Variants in TLK1 observed in about 807,000 individuals in gnomAD.
TLK1 encodes the protein serine/threonine-protein kinase tousled-like 1.
Under a neutral mutation model 105.3 loss-of-function variants are expected in TLK1, and 24 were observed. The ratio of observed to expected loss-of-function variants is 0.23; its 90% confidence interval spans 0.17 to 0.32. TLK1 has a LOEUF of 0.32. Among genes scored for constraint, TLK1 ranks in the 10% least tolerant of loss-of-function variants. The probability of loss-of-function intolerance (pLI) is 1.00; values close to 1 mark genes in which losing one functional copy is unlikely to be tolerated. For missense variants in TLK1, 558 were observed against 910.5 expected, an observed-to-expected ratio of 0.61 and a Z score of 4.98; for synonymous variants, 321 against 310.4, an observed-to-expected ratio of 1.03 and a Z score of -0.36.
chr2:171,007,114 G>T, intron 14 of TLK1, 51 bp from the exon 15 acceptor site: 1 of 1,456,900 alleles, frequency 6.9e-7, no homozygotes, highest in South Asian at 1.3e-5. Flanking sequence ...TTGAATAGCT[G>T]AAGAGATGTT....
Position 171,160,549 on chromosome 2 carries a change from AG to A in TLK1, c.-122del. On this transcript the variant is annotated 5_prime_UTR_variant, in exon 1 of 21. Transcript: ENST00000431350. The surrounding 1 kb of genome is among the most constrained non-coding windows in gnomAD (Gnocchi z 4.4). ...GGCGAGCGAGAGAGCGAGGGCTGGG[AG>A]GGGAGAGTCAAGGGGATGGGGGAGG... 4.3e-6 allele frequency: 5 copies of A among 1,174,658 alleles called. No homozygotes were observed. The highest frequency in any genetic ancestry group is 5.5e-6 in the Non-Finnish European group (5 of 901,094). 72.8% of individuals were successfully genotyped at this position (1,174,658 alleles called of 1,614,324 possible).
chr2:171,064,427 C>T lies in TLK1; in HGVS notation c.331-3271G>A, dbSNP rs79871444. Among the ~76,000 whole-genome samples the T allele has an allele frequency of 2.5e-3, 380 of 152,196 alleles. 5 individuals carry two copies. The East Asian group carries it at 0.041, about 16-fold the overall frequency. On this transcript the variant is annotated intron_variant, in intron 3 of 20. Coordinates refer to ENST00000431350, the MANE Select transcript of TLK1 (RefSeq NM_012290.5). Reference sequence around the variant, plus strand: ...ACTACTGATCATGACCAATGATTTCCTTGAGGAAATCCAAAGGACATCAAC... The same window carrying T: ...ACTACTGATCATGACCAATGATTTCTTTGAGGAAATCCAAAGGACATCAAC...
At chr2:171,144,756 G>A (rs1691723778) in intron 1 of TLK1, among the ~76,000 whole-genome samples, 1 of 152,100 alleles carries the variant, frequency 6.6e-6, no homozygotes, top group Admixed American at 6.5e-5. Context: ...ATAAGAAAAG[G>A]CTTCTTAAAT....
At chr2:171,042,763 C>T (rs897566040) in intron 11 of TLK1, among the ~76,000 whole-genome samples, 2 of 149,968 alleles carry the variant, frequency 1.3e-5, no homozygotes, top group African/African-American at 4.9e-5. Context: ...AGCATTTAAG[C>T]CAAGTCTTAA....
chr2:171,000,025 G>A (rs1358053312), intron 18 of TLK1, among the ~76,000 whole-genome samples: 1 of 152,096 alleles, frequency 6.6e-6, no homozygotes, highest in African/African-American at 2.4e-5. Flanking sequence ...TCAGAGGCAT[G>A]AGTGAGCCCC....
At chr2:171,072,795 GGTTCGCTCCTGTAATCCCAGCTACTCA>G (rs1688322010) in intron 3 of TLK1, among the ~76,000 whole-genome samples, 1 of 151,630 alleles carries the variant, frequency 6.6e-6, no homozygotes, top group Admixed American at 6.6e-5. Flanking sequence ...TGGGTGCAGT[GGTTCGCTCCTGTAATCCCAGCTACTCA>G]GAAGGCTGAG....
At chr2:171,080,253 A>C (rs1482605368) in intron 3 of TLK1, among the ~76,000 whole-genome samples, 1 of 151,708 alleles carries the variant, frequency 6.6e-6, no homozygotes, top group Non-Finnish European at 1.5e-5. Flanking sequence ...CAAAACCAAA[A>C]ACTACTATTT....
chr2:171,076,090 T>C (rs1288378352), intron 3 of TLK1, among the ~76,000 whole-genome samples: 1 of 151,974 alleles, frequency 6.6e-6, no homozygotes, highest in African/African-American at 2.4e-5. Flanking sequence ...TGGTGGCGGG[T>C]GCCTGTAATC....
chr2:171,100,404 G>A (rs1159141798), intron 2 of TLK1, among the ~76,000 whole-genome samples: 2 of 152,074 alleles, frequency 1.3e-5, no homozygotes, highest in Non-Finnish European at 2.9e-5. Context: ...TGGCAAGACT[G>A]GATTTAGTTC....
chr2:171,199,146 G>T (rs912221490), intron 1 of TLK1, among the ~76,000 whole-genome samples: 5 of 152,196 alleles, frequency 3.3e-5, no homozygotes, highest in Non-Finnish European at 4.4e-5. Flanking sequence ...TTAGGAATGT[G>T]CATGTGTATC....
chr2:171,154,953 AT>A (rs1227858935), intron 1 of TLK1, among the ~76,000 whole-genome samples: 1 of 152,192 alleles, frequency 6.6e-6, no homozygotes, highest in Non-Finnish European at 1.5e-5. Flanking sequence ...CACAGAAGAG[AT>A]TATGTGCCAT....
At chr2:171,062,353 G>A (rs963583994) in intron 3 of TLK1, among the ~76,000 whole-genome samples, 3 of 152,314 alleles carry the variant, frequency 2.0e-5, no homozygotes, top group South Asian at 2.1e-4. Flanking sequence ...GATTTAATCC[G>A]TATTTTCATG....
chr2:171,220,555 C>T (rs1372789724), intron 1 of TLK1, among the ~76,000 whole-genome samples: 3 of 152,138 alleles, frequency 2.0e-5, no homozygotes, highest in Non-Finnish European at 4.4e-5. Context: ...GGAGGACTAT[C>T]GCCTCCCACC....
At chr2:171,180,469 C>A (rs908170135) in intron 1 of TLK1, among the ~76,000 whole-genome samples, 1 of 152,044 alleles carries the variant, frequency 6.6e-6, no homozygotes, top group Non-Finnish European at 1.5e-5. Context: ...CTGTCAGAAC[C>A]GAGAAGACTA....
At chr2:171,035,604 A>G (rs1223918173) in intron 11 of TLK1, among the ~76,000 whole-genome samples, 4 of 152,220 alleles carry the variant, frequency 2.6e-5, no homozygotes, top group Non-Finnish European at 5.9e-5. Context: ...AAAGACTTCC[A>G]TATCCTAATC....
chr2:171,180,236 G>GC (rs1255934783), intron 1 of TLK1, among the ~76,000 whole-genome samples: 6 of 151,348 alleles, frequency 4.0e-5, no homozygotes, highest in East Asian at 1.9e-4. Context: ...AAAAAAAATT[G>GC]CCCCCCGGGT....
chr2:171,164,913 G>T (rs1319164896), upstream of TLK1, among the ~76,000 whole-genome samples: 1 of 152,074 alleles, frequency 6.6e-6, no homozygotes, highest in African/African-American at 2.4e-5. Context: ...TTGAGCCTAG[G>T]AGTTCTAGAC....
intron 3 of TLK1, among the ~76,000 whole-genome samples, chr2:171,078,729 T>G (rs758989381): frequency 6.6e-6 from 1 of 152,198 alleles, no homozygotes; most frequent in African/African-American, 2.4e-5. Flanking sequence ...ACAGCAAACT[T>G]GAAAATACTA....
At chr2:171,212,900 T>TAA (rs753780642) in intron 1 of TLK1, among the ~76,000 whole-genome samples, 34 of 12,802 alleles carry the variant, frequency 2.7e-3, no homozygotes, top group Admixed American at 7.1e-3. Flanking sequence ...TTGTTTTTTT[T>TAA]TAAAAAAAAC....
Sources: gnomAD v4.1 joint callset for allele counts (sites outside exome capture counted in the v4.1 genomes callset) on GRCh38, gnomAD v4.1.1 for gene constraint, Gnocchi (gnomAD v3.1) non-coding constraint, MANE v1.5 for transcripts, NCBI Gene and HGNC (gene_info 2026-07-23, HGNC 2026-07-21) for gene names.